PRMT9: variants seen among roughly 807,000 people sequenced by gnomAD.
The protein encoded by PRMT9 is protein arginine N-methyltransferase 9.
In PRMT9, 59 loss-of-function variants were observed where a neutral mutation model predicts 83.2. The observed-to-expected ratio is 0.71, with a 90% CI of 0.57 to 0.88. The LOEUF is 0.88. Ranked by LOEUF, PRMT9 falls within the 40% of genes least tolerant of loss-of-function variation. The pLI is 0.00. For synonymous variants in PRMT9, 333 were observed against 353.2 expected (o/e 0.94, Z 0.64); for missense variants, 947 against 1,021.9 (o/e 0.93, Z 1.00).
At chr4:147,658,989 C>T (rs1000469818) in intron 7 of PRMT9, among the ~76,000 whole-genome samples, 3 of 151,964 alleles carry the variant, frequency 2.0e-5, no homozygotes, top group African/African-American at 4.8e-5. Flanking sequence ...ACCATCCTGG[C>T]TAACACGGTG....
intron 2 of PRMT9, among the ~76,000 whole-genome samples, chr4:147,680,063 C>T (rs1736363878): frequency 6.6e-6 from 1 of 152,192 alleles, no homozygotes; most frequent in South Asian, 2.1e-4. Flanking sequence ...GCTGTGCCCT[C>T]TCCAATAAGG....
rs537255278 is a variant in PRMT9, at chr4:147,656,759, G to A, written c.1330+1033C>T. Among the ~76,000 whole-genome samples the A allele has an allele frequency of 4.5e-3, 494 of 109,538 alleles. 5 individuals carry two copies. The highest frequency in any genetic ancestry group is 0.015 in the African/African-American group (448 of 30,836). 71.9% of individuals were successfully genotyped at this position (109,538 alleles called of 152,430 possible). ...TGCACTCCAGCCTGGGCAACAGAGC[G>A]AGACTCTGTCTCAAAAAAAAAAAAA... On this transcript the variant is annotated intron_variant, in intron 8 of 11. Coordinates refer to ENST00000322396, the MANE Select transcript of PRMT9 (RefSeq NM_138364.4).
chr4:147,668,807 C>T (rs563524464), intron 5 of PRMT9, among the ~76,000 whole-genome samples, 162 bp from the exon 6 acceptor site: 62 of 152,128 alleles, frequency 4.1e-4, no homozygotes, highest in African/African-American at 1.4e-3. Context: ...TATTTTTGGG[C>T]TGGGCACTGT....
intron 1 of PRMT9, 139 bp from the exon 2 acceptor site, chr4:147,680,610 G>A: frequency 1.4e-6 from 1 of 709,280 alleles, no homozygotes. Flanking sequence ...ACTTTAGTAG[G>A]CACTGTTTTC....
chr4:147,652,338 C>G, intron 9 of PRMT9, among the ~76,000 whole-genome samples: 1 of 151,942 alleles, frequency 6.6e-6, no homozygotes. Flanking sequence ...TTCTCCTAAT[C>G]AATGTATTGT....
At chr4:147,650,608 G>A (rs1327727397) in intron 9 of PRMT9, among the ~76,000 whole-genome samples, 2 of 152,130 alleles carry the variant, frequency 1.3e-5, no homozygotes, top group African/African-American at 2.4e-5. Flanking sequence ...AACCCCAAGA[G>A]TGTTTTTTGT....
chr4:147,663,478 A>G (rs887891110), intron 6 of PRMT9, among the ~76,000 whole-genome samples: 4 of 151,194 alleles, frequency 2.6e-5, no homozygotes, highest in Non-Finnish European at 5.9e-5. Flanking sequence ...CAATTCTCCT[A>G]TCTCCACTTC....
At chr4:147,672,857 A>G in intron 4 of PRMT9, 102 bp downstream of exon 4, 1 of 844,070 alleles carries the variant, frequency 1.2e-6, no homozygotes, top group Non-Finnish European at 2.0e-6. Flanking sequence ...TTTACAAAAT[A>G]AGGGTTTTGT....
chr4:147,648,474 G>C (rs1030641388), intron 9 of PRMT9, among the ~76,000 whole-genome samples: 1 of 152,196 alleles, frequency 6.6e-6, no homozygotes, highest in Non-Finnish European at 1.5e-5. Flanking sequence ...CTTACTCTAT[G>C]CATCTCTTCA....
chr4:147,657,865 T>G lies in PRMT9; in HGVS notation c.1257A>C (p.Glu419Asp). ...CACTAGGACTTGTGGATAAACTATG[T>G]TCATCATCAAGCTGGAGCACAAACC... ...MVWFVLQLDD[E>D]HSLSTSPSEE... Residue 419 changes from glutamate to aspartate, a missense_variant, in exon 8 of 12, where the codon GAA becomes GAC. Glu to Asp is a conservative substitution (Grantham distance 45, BLOSUM62 2). Transcript: ENST00000322396. The G allele has an allele frequency of 6.2e-7, 1 of 1,611,358 alleles. No individual in the cohort carries two copies. Among genetic ancestry groups the G allele is most frequent in the Non-Finnish European group, 8.5e-7 (1 of 1,179,606 alleles).
chr4:147,661,659 G>A (rs1046336422), intron 6 of PRMT9, among the ~76,000 whole-genome samples: 4 of 151,838 alleles, frequency 2.6e-5, no homozygotes, highest in East Asian at 3.9e-4. Flanking sequence ...GCGTGTTGGC[G>A]GGCGCCTGTA....
chr4:147,656,396 G>A (rs544481069), intron 8 of PRMT9, among the ~76,000 whole-genome samples: 18 of 151,968 alleles, frequency 1.2e-4, no homozygotes, highest in Admixed American at 7.2e-4. Context: ...GGACTCAAGC[G>A]ATCCTTCTTC....
rs1735513777 is a variant in PRMT9 at position 147,668,606 on chromosome 4, C to T, written c.886G>A (p.Val296Ile). ...AATATAACAGCACTTGCTGGTATAA[C>T]TTTCCCATACTTTTCACAATTAGCA... ...ESANCEKYGKVIPASAVIFGM... is the reference protein window; with the variant it reads ...ESANCEKYGKIIPASAVIFGM... Residue 296 changes from valine to isoleucine, a missense_variant, in exon 6 of 12, where the codon GTT becomes ATT. Physicochemically the swap from Val to Ile is conservative, Grantham distance 29 (BLOSUM62 3). Transcript: ENST00000322396. 14 of 1,612,410 alleles carry T rather than the reference C, an allele frequency of 8.7e-6. No individual in the cohort carries two copies. The highest frequency in any genetic ancestry group is 1.2e-5 in the Non-Finnish European group (14 of 1,178,834).
intron 9 of PRMT9, among the ~76,000 whole-genome samples, chr4:147,650,190 C>T (rs760676489): frequency 6.6e-6 from 1 of 151,906 alleles, no homozygotes; most frequent in African/African-American, 2.4e-5. Context: ...AGAAATTACA[C>T]AAGAAAAAAT....
chr4:147,671,866 G>A (rs1366226944), intron 4 of PRMT9: 1 of 456,124 alleles, frequency 2.2e-6, no homozygotes, highest in South Asian at 1.5e-5. Context: ...TCATACTGAA[G>A]GCCTTAACCC....
At chr4:147,673,161 T>A in intron 3 of PRMT9, 35 bp from the exon 4 acceptor site, 1 of 1,595,552 alleles carries the variant, frequency 6.3e-7, no homozygotes, top group Non-Finnish European at 8.6e-7. Context: ...CAAGAAAAAA[T>A]AATCTACTGT....
In PRMT9 at chr4:147,683,998, ACT is replaced by A; in HGVS notation, c.-13_-12del. 3 of 1,612,248 alleles carry A rather than the reference ACT, an allele frequency of 1.9e-6. No individual in the cohort carries two copies. Among genetic ancestry groups the A allele is most frequent in the Non-Finnish European group, 2.5e-6 (3 of 1,179,444 alleles). On this transcript the variant is annotated 5_prime_UTR_variant, in exon 1 of 12. It adds an upstream start codon to the 5' untranslated region. Coordinates refer to ENST00000322396, the MANE Select transcript of PRMT9 (RefSeq NM_138364.4). ...CCGCGAGTTCGACATGGCAGTCACCACTTGTATGGCCAAAGGGAAGATATTTT... is the reference window on the plus strand; with the variant it reads ...CCGCGAGTTCGACATGGCAGTCACCATGTATGGCCAAAGGGAAGATATTTT...
At chr4:147,680,240 C>A in intron 2 of PRMT9, 83 bp downstream of exon 2, 1 of 1,263,422 alleles carries the variant, frequency 7.9e-7, no homozygotes. Context: ...TAAACTTTCC[C>A]TGTTAAAATT....
chr4:147,640,130 T>C (rs1275413975), intron 10 of PRMT9, among the ~76,000 whole-genome samples: 1 of 138,770 alleles, frequency 7.2e-6, no homozygotes, highest in Non-Finnish European at 1.5e-5. Flanking sequence ...TGGAGTGCAG[T>C]AGTACAATCA....
Sources: allele counts gnomAD v4.1 joint callset (sites outside exome capture counted in the v4.1 genomes callset), GRCh38; gene constraint gnomAD v4.1.1; transcripts MANE v1.5; gene names NCBI Gene and HGNC (gene_info 2026-07-23, HGNC 2026-07-21).